The following DTWD2 variants were observed in gnomAD, a reference collection of about 807,000 sequenced individuals.
The protein encoded by DTWD2 is DTW motif tRNA-uridine aminocarboxypropyltransferase 2.
A neutral mutation model predicts 31.8 loss-of-function variants in DTWD2; 39 were observed. The observed-to-expected ratio is 1.22, with a 90% CI of 0.95 to 1.60. The LOEUF is 1.60. Among genes scored for constraint, DTWD2 ranks in the 40% most tolerant of loss-of-function variants. The pLI, the probability that DTWD2 is intolerant of heterozygous loss-of-function variation, is 0.00. For missense variants in DTWD2, 515 were observed against 381.5 expected, an observed-to-expected ratio of 1.35 and a Z score of -2.92; for synonymous variants, 180 against 142.8, an observed-to-expected ratio of 1.26 and a Z score of -1.86.
At chr5:118,946,038 G>A (rs760076077) in intron 1 of DTWD2, among the ~76,000 whole-genome samples, 1 of 152,178 alleles carries the variant, frequency 6.6e-6, no homozygotes, top group South Asian at 2.1e-4. Context: ...TACAGTGTGG[G>A]TAAATTGGCT....
intron 1 of DTWD2, among the ~76,000 whole-genome samples, chr5:118,969,504 C>A (rs1024957640): frequency 6.6e-6 from 1 of 152,154 alleles, no homozygotes; most frequent in African/African-American, 2.4e-5. Flanking sequence ...TGTTTTGCAG[C>A]CTTCACCGGT....
chr5:118,939,547 G>T (rs1039526166), intron 2 of DTWD2, among the ~76,000 whole-genome samples: 4 of 152,068 alleles, frequency 2.6e-5, no homozygotes, highest in Non-Finnish European at 5.9e-5. Context: ...TATATATAAT[G>T]ATTAAGATTA....
At chr5:118,908,030 C>A (rs963405982) in intron 4 of DTWD2, among the ~76,000 whole-genome samples, 4 of 152,168 alleles carry the variant, frequency 2.6e-5, no homozygotes, top group African/African-American at 9.7e-5. Flanking sequence ...ATCACTGGAC[C>A]ATATAAACTT....
chr5:118,840,055 T>C lies in DTWD2; in HGVS notation c.*862A>G, dbSNP rs1407625311. The C allele has an allele frequency of 2.0e-5, 3 of 152,210 alleles. No homozygotes were observed. Among genetic ancestry groups the C allele is most frequent in the Non-Finnish European group, 4.4e-5 (3 of 68,032 alleles). 9.4% of individuals were successfully genotyped at this position (152,210 alleles called of 1,614,324 possible). A position where few individuals can be genotyped will look rare whatever the true frequency, so the allele number is the denominator to read the frequency against. On this transcript the variant is annotated 3_prime_UTR_variant, in exon 6 of 6. Transcript: ENST00000510708. ...TGTTACATACATGTCTCTTATTCTA[T>C]ACAAAATCTCAGCAAATATTTTCCC...
chr5:118,958,469 C>G (rs1389376537), intron 1 of DTWD2, among the ~76,000 whole-genome samples: 1 of 148,952 alleles, frequency 6.7e-6, no homozygotes, highest in East Asian at 2.0e-4. Context: ...AAAACAACAA[C>G]AACAACAACA....
chr5:118,977,527 T>C (rs1041813199), intron 1 of DTWD2, among the ~76,000 whole-genome samples: 1 of 152,152 alleles, frequency 6.6e-6, no homozygotes, highest in Non-Finnish European at 1.5e-5. Flanking sequence ...ATCACAAGCA[T>C]TCCTATGTAC....
chr5:118,881,691 C>T (rs1199068873), intron 4 of DTWD2, among the ~76,000 whole-genome samples: 1 of 152,150 alleles, frequency 6.6e-6, no homozygotes, highest in East Asian at 1.9e-4. Flanking sequence ...GGGAAGCAGG[C>T]GCCTCTTACA....
At chr5:118,930,937 CAT>C (rs1353049293) in intron 3 of DTWD2, among the ~76,000 whole-genome samples, 1 of 151,686 alleles carries the variant, frequency 6.6e-6, no homozygotes, top group Non-Finnish European at 1.5e-5. Context: ...GAAGTGATGA[CAT>C]ATTTTAAATT....
intron 1 of DTWD2, among the ~76,000 whole-genome samples, chr5:118,981,010 T>A (rs547848728): frequency 1.3e-5 from 2 of 152,316 alleles, no homozygotes; most frequent in Non-Finnish European, 2.9e-5. Flanking sequence ...CACATAAAAT[T>A]CAGCCACAGA....
chr5:118,938,501 A>G (rs374836582), intron 3 of DTWD2, among the ~76,000 whole-genome samples: 1 of 152,214 alleles, frequency 6.6e-6, no homozygotes, highest in African/African-American at 2.4e-5. Context: ...TCATTCAATT[A>G]CCACATTTAT....
chr5:118,895,587 C>T (rs988645045), intron 4 of DTWD2, among the ~76,000 whole-genome samples: 1 of 152,160 alleles, frequency 6.6e-6, no homozygotes, highest in Non-Finnish European at 1.5e-5. Flanking sequence ...AAGCTGAAGG[C>T]ATCACATTGT....
At chr5:118,912,732 T>A (rs1753486109) in intron 4 of DTWD2, among the ~76,000 whole-genome samples, 1 of 152,222 alleles carries the variant, frequency 6.6e-6, no homozygotes, top group South Asian at 2.1e-4. Context: ...AATATTTTAT[T>A]TATTATGTTT....
At chr5:118,979,245 A>G (rs760674274) in intron 1 of DTWD2, among the ~76,000 whole-genome samples, 1 of 152,176 alleles carries the variant, frequency 6.6e-6, no homozygotes, top group Non-Finnish European at 1.5e-5. Context: ...CAGAGCTTGC[A>G]GTGAGCAAAG....
At chr5:118,868,448 A>C (rs74794841) in intron 4 of DTWD2, among the ~76,000 whole-genome samples, 1,597 of 152,306 alleles carry the variant, frequency 0.01, 30 homozygotes, top group African/African-American at 0.036. Flanking sequence ...TGCATCAAAA[A>C]ACACAATCAA....
chr5:118,968,205 A>AG, intron 1 of DTWD2, among the ~76,000 whole-genome samples: 2 of 152,298 alleles, frequency 1.3e-5, no homozygotes, highest in South Asian at 4.1e-4. Flanking sequence ...GTGAAAAAAA[A>AG]AAAAAGAAAA....
chr5:118,899,778 A>G (rs1027292750), intron 4 of DTWD2, among the ~76,000 whole-genome samples: 2 of 151,182 alleles, frequency 1.3e-5, no homozygotes. Flanking sequence ...ATTGAATCAT[A>G]TAAGTCATAC....
At chr5:118,849,024 T>A (rs966108381) in intron 4 of DTWD2, among the ~76,000 whole-genome samples, 2 of 152,062 alleles carry the variant, frequency 1.3e-5, no homozygotes, top group Non-Finnish European at 2.9e-5. Context: ...AATTGACAAA[T>A]GGGATCTAAT....
chr5:118,971,037 G>A (rs1297955431), intron 1 of DTWD2, among the ~76,000 whole-genome samples: 2 of 152,156 alleles, frequency 1.3e-5, no homozygotes, highest in African/African-American at 4.8e-5. Flanking sequence ...TAAATCCACT[G>A]AAGTACGCAA....
chr5:118,940,055 T>C (rs967450504), intron 2 of DTWD2, among the ~76,000 whole-genome samples: 1 of 152,234 alleles, frequency 6.6e-6, no homozygotes, highest in Non-Finnish European at 1.5e-5. Context: ...GCTGGATTTA[T>C]GGCCTTGCTT....
Sources: gnomAD v4.1 joint callset for allele counts (sites outside exome capture counted in the v4.1 genomes callset) on GRCh38, gnomAD v4.1.1 for gene constraint, MANE v1.5 for transcripts, NCBI Gene and HGNC (gene_info 2026-07-23, HGNC 2026-07-21) for gene names.